The following LARP7 variants were observed in gnomAD, a reference collection of about 807,000 sequenced individuals.
The protein encoded by LARP7 is La ribonucleoprotein 7, transcriptional regulator.
In LARP7, 52 loss-of-function variants were observed where a neutral mutation model predicts 69.3. That is an observed-to-expected ratio of 0.75 (90% CI 0.60 to 0.95). The LOEUF (loss-of-function observed/expected upper bound fraction) is 0.95. Among genes scored for constraint, LARP7 ranks in the 40% least tolerant of loss-of-function variants. LARP7 has a pLI of 0.00. For synonymous variants in LARP7, 254 were observed against 215.9 expected, an observed-to-expected ratio of 1.18 and a Z score of -1.55; for missense variants, 733 against 673.0, an observed-to-expected ratio of 1.09 and a Z score of -0.99.
Position 112,653,212 on chromosome 4 carries a change from T to C in LARP7, c.1552T>C (p.Cys518Arg), listed in dbSNP as rs1203406527. Residue 518 changes from cysteine to arginine, a missense_variant, in exon 11 of 13, where the codon TGC becomes CGC. Coordinates refer to ENST00000344442, the MANE Select transcript of LARP7 (RefSeq NM_016648.4). Reference protein sequence around the residue: ...NAYTEINKKHCWKLEILSGDH... With the variant: ...NAYTEINKKHRWKLEILSGDH... ...CTATACAGAAATTAACAAGAAACAC[T>C]GCTGGAAACTCGAGATCCTTTCTGG... 1 of 1,588,336 alleles carries C rather than the reference T, an allele frequency of 6.3e-7. No individual in the cohort carries two copies.
chr4:112,652,378 C>G (rs903634752), intron 10 of LARP7, among the ~76,000 whole-genome samples: 3 of 142,634 alleles, frequency 2.1e-5, no homozygotes, highest in African/African-American at 7.7e-5. Flanking sequence ...GTGTAACATT[C>G]CTGCATAAAT....
Position 112,647,026 on chromosome 4 carries a change from C to CGAA in LARP7, c.553-8_553-7insGAA, listed in dbSNP as rs781092839. ...GTATTAAAATAGTAACTTTTGCAAT[C>CGAA]ATTTCAGTTTCTTAACAACCCACCA... On this transcript the variant is annotated splice_polypyrimidine_tract_variant and splice_region_variant and intron_variant, in intron 5 of 12. Transcript: ENST00000344442. The CGAA allele has an allele frequency of 6.3e-7, 1 of 1,592,906 alleles. No homozygotes were observed. Among genetic ancestry groups the CGAA allele is most frequent in the South Asian group, 1.2e-5 (1 of 85,810 alleles).
In LARP7 at chr4:112,647,777, A is replaced by T. The variant is rs2048390960; in HGVS notation, c.1085A>T (p.Lys362Ile). ...AAAACAAAAAGGAAACATAAGAAAA[A>T]ACATAAAGAGAGACATAAAATGGGA... Reference protein sequence around the residue: ...LLKTKRKHKKKHKERHKMGEE... With the variant: ...LLKTKRKHKKIHKERHKMGEE... The change falls in exon 8 of 13, where the codon AAA becomes ATA. Residue 362 changes from lysine (K) to isoleucine (I), a missense_variant. By Grantham distance (102) the Lys-to-Ile change is moderately radical. Coordinates refer to ENST00000344442, the MANE Select transcript of LARP7 (RefSeq NM_016648.4). 1.3e-6 allele frequency: 2 copies of T among 1,582,592 alleles called. No individual in the cohort carries two copies. The highest frequency in any genetic ancestry group is 2.2e-5 in the East Asian group (1 of 44,614).
chr4:112,655,320 A>G (rs1185712145), intron 12 of LARP7: 2 of 152,220 alleles, frequency 1.3e-5, no homozygotes, highest in Non-Finnish European at 1.5e-5. Context: ...ATATATTTTT[A>G]AAACTAGGAA....
At chr4:112,640,130 G>T (rs1006202278) in intron 1 of LARP7, among the ~76,000 whole-genome samples, 5 of 152,020 alleles carry the variant, frequency 3.3e-5, no homozygotes, top group Non-Finnish European at 7.4e-5. Context: ...GTAGAGACTG[G>T]GTTTCACTTT....
At chr4:112,643,510 T>C (rs1029740690) in intron 1 of LARP7, among the ~76,000 whole-genome samples, 1 of 152,092 alleles carries the variant, frequency 6.6e-6, no homozygotes, top group Non-Finnish European at 1.5e-5. Flanking sequence ...GGTTAGAAAT[T>C]GCTGCCCAAG....
chr4:112,639,575 A>G (rs1465873850), intron 1 of LARP7, among the ~76,000 whole-genome samples: 2 of 151,806 alleles, frequency 1.3e-5, no homozygotes, highest in South Asian at 2.1e-4. Flanking sequence ...TAAACTGCAT[A>G]TTATGTTACG....
intron 1 of LARP7, among the ~76,000 whole-genome samples, chr4:112,642,042 CTG>C (rs1383909855): frequency 3.9e-5 from 6 of 152,084 alleles, no homozygotes; most frequent in Admixed American, 6.6e-5. Context: ...AATTGAGAAA[CTG>C]AGATTGCAAA....
At chr4:112,653,322 G>GTTTTT in intron 11 of LARP7, 86 bp downstream of exon 11, 1 of 878,096 alleles carries the variant, frequency 1.1e-6, no homozygotes, top group Non-Finnish European at 1.6e-6. Flanking sequence ...AATGAAACTA[G>GTTTTT]TTTTTTTTTT....
Position 112,647,299 on chromosome 4 carries a change from T to C in LARP7, c.747T>C (p.Ser249=), listed in dbSNP as rs768369147. 6.8e-6 allele frequency: 11 copies of C among 1,613,630 alleles called. No homozygotes were observed. The African/African-American group carries it at 1.5e-4, about 22-fold the overall frequency. Residue 249 remains serine (S), a synonymous_variant, in exon 7 of 13, where the codon AGT becomes AGC. Transcript: ENST00000344442. ...ENMDTSNTSI[S]KMKRSRPTSE... is the part of the protein sequence containing the mutation. ...TGGACACAAGCAACACCAGCATCAG[T>C]AAAATGAAAAGATCCAGACCCACAT...
At chr4:112,644,325 C>T (rs1015413642) in intron 1 of LARP7, 7 of 307,044 alleles carry the variant, frequency 2.3e-5, no homozygotes, top group Non-Finnish European at 4.1e-5. Flanking sequence ...GGGGGTGTTG[C>T]GATGGAGAGT....
At chr4:112,641,627 G>T (rs954394236) in intron 1 of LARP7, among the ~76,000 whole-genome samples, 3 of 152,184 alleles carry the variant, frequency 2.0e-5, no homozygotes, top group African/African-American at 7.2e-5. Context: ...TTTAAAGTTA[G>T]AGCTAACAGA....
chr4:112,652,649 T>C (rs2048798558), intron 10 of LARP7, among the ~76,000 whole-genome samples: 1 of 152,102 alleles, frequency 6.6e-6, no homozygotes, highest in South Asian at 2.1e-4. Flanking sequence ...TACACATATT[T>C]TAAAGTCATA....
At chr4:112,648,130 A>G in intron 8 of LARP7, 1 of 537,390 alleles carries the variant, frequency 1.9e-6, no homozygotes, top group Non-Finnish European at 3.8e-6. Flanking sequence ...GCTGCGGTCA[A>G]TACAATAAAG....
chr4:112,646,973 A>G lies in LARP7; in HGVS notation c.552+18A>G. On this transcript the variant is annotated intron_variant, in intron 5 of 12. Transcript: ENST00000344442. ...CAATTGAGGTAAGTCCAGATCCTAA[A>G]AAAAAAAAAAGAAAGAAAAGAAAAC... The G allele has an allele frequency of 6.4e-7, 1 of 1,553,744 alleles. No individual in the cohort carries two copies. The highest frequency in any genetic ancestry group is 1.2e-5 in the South Asian group (1 of 82,470).
intron 1 of LARP7, among the ~76,000 whole-genome samples, chr4:112,639,509 C>T (rs543711761): frequency 6.6e-6 from 1 of 151,802 alleles, no homozygotes; most frequent in South Asian, 2.1e-4. Context: ...GGATTACAAG[C>T]GTGAGCCACC....
chr4:112,642,378 G>A (rs922468788), intron 1 of LARP7, among the ~76,000 whole-genome samples: 10 of 152,156 alleles, frequency 6.6e-5, no homozygotes, highest in Admixed American at 2.0e-4. Context: ...TTCAAAATTG[G>A]TACTTGATTG....
At chr4:112,647,888 A>G (rs1013348949) in intron 8 of LARP7, 54 bp downstream of exon 8, 25 of 1,265,116 alleles carry the variant, frequency 2.0e-5, no homozygotes, top group Non-Finnish European at 2.8e-5. Context: ...CACCATTGCT[A>G]AAGTGCAATT....
At chr4:112,646,319 C>CACT (rs771819120) in intron 2 of LARP7, 32 bp from the exon 3 acceptor site, 1 of 1,080,636 alleles carries the variant, frequency 9.3e-7, no homozygotes, top group Non-Finnish European at 1.4e-6. Context: ...CCTGCTGATA[C>CACT]ACTAACATAT....
Sources: allele counts gnomAD v4.1 joint callset (sites outside exome capture counted in the v4.1 genomes callset), GRCh38; gene constraint gnomAD v4.1.1; transcripts MANE v1.5; gene names NCBI Gene and HGNC (gene_info 2026-07-23, HGNC 2026-07-21).